The following UGT1A3 variants were observed in gnomAD, a reference collection of about 807,000 sequenced individuals.
UGT1A3 encodes the protein UDP glucuronosyltransferase family 1 member A3, also known as UDP-glucuronosyltransferase 1A3.
In UGT1A3, 31 loss-of-function variants were observed where a neutral mutation model predicts 41.0. The observed-to-expected ratio is 0.76, with a 90% CI of 0.57 to 1.02. The LOEUF (loss-of-function observed/expected upper bound fraction) is 1.02. Ranked by LOEUF, UGT1A3 falls within the 50% of genes least tolerant of loss-of-function variation. UGT1A3 has a pLI of 0.00. For missense variants in UGT1A3, 737 were observed against 671.0 expected (o/e 1.10, Z -1.09); for synonymous variants, 262 against 257.6 (o/e 1.02, Z -0.17).
At chr2:233,743,095 G>C (rs1692201542) in intron 1 of UGT1A3, 3 of 349,024 alleles carry the variant, frequency 8.6e-6, no homozygotes, top group African/African-American at 6.5e-5. Flanking sequence ...ATAAATTCTT[G>C]GGTACAGCTG....
At chr2:233,741,946 A>T (rs1293176575) in intron 1 of UGT1A3, 1 of 151,876 alleles carries the variant, frequency 6.6e-6, no homozygotes, top group Non-Finnish European at 1.5e-5. Flanking sequence ...TGCCAACAGA[A>T]AGGTACTTTC....
chr2:233,772,756 T>A lies in UGT1A3; in HGVS notation c.*197T>A. On this transcript the variant is annotated 3_prime_UTR_variant, in exon 5 of 5. Transcript: ENST00000482026. The stretch of plus-strand genomic sequence containing the variant: ...TAGTCAGTAAAGATATTTGAATATG[T>A]ATCGTGCCCCCTCTGGTGTCTTTGA... The A allele has an allele frequency of 1.4e-6, 2 of 1,401,856 alleles. No homozygotes were observed. Among genetic ancestry groups the A allele is most frequent in the Non-Finnish European group, 1.9e-6 (2 of 1,069,170 alleles). 86.8% of individuals were successfully genotyped at this position (1,401,856 alleles called of 1,614,324 possible). A position where few individuals can be genotyped will look rare whatever the true frequency, so the allele number is the denominator to read the frequency against.
At chr2:233,747,501 A>G in intron 1 of UGT1A3, 1 of 1,608,354 alleles carries the variant, frequency 6.2e-7, no homozygotes, top group East Asian at 2.2e-5. Context: ...GCTGGGCCAC[A>G]CTCAACTGTA....
chr2:233,755,338 G>C (rs569505432), intron 1 of UGT1A3: 1 of 431,822 alleles, frequency 2.3e-6, no homozygotes, highest in East Asian at 7.3e-5. Flanking sequence ...CCCGCGCACA[G>C]GTCAGAGGCT....
At chr2:233,745,465 G>C (rs1164210387) in intron 1 of UGT1A3, among the ~76,000 whole-genome samples, 3 of 151,586 alleles carry the variant, frequency 2.0e-5, no homozygotes, top group Non-Finnish European at 2.9e-5. Flanking sequence ...AGTTCTAAGG[G>C]GAAAATGATT....
rs370790922 is a variant in UGT1A3 at position 233,760,312 on chromosome 2, C to T, written c.868-6722C>T. ...CATGGCTGTGGAGTCCCAGGGCGGACGCCCACTTGTCCTGGGCCTGCTGCT... is the reference window on the plus strand; with the variant it reads ...CATGGCTGTGGAGTCCCAGGGCGGATGCCCACTTGTCCTGGGCCTGCTGCT... On this transcript the variant is annotated intron_variant, in intron 1 of 4. Coordinates refer to ENST00000482026, the MANE Select transcript of UGT1A3 (RefSeq NM_019093.4). 93 of 1,613,694 alleles carry T rather than the reference C, an allele frequency of 5.8e-5. No individual in the cohort carries two copies. Among genetic ancestry groups the T allele is most frequent in the South Asian group, 2.2e-5 (2 of 91,058 alleles).
At chr2:233,739,922 C>T (rs28900073) in intron 1 of UGT1A3, among the ~76,000 whole-genome samples, 1 of 151,712 alleles carries the variant, frequency 6.6e-6, no homozygotes, top group Non-Finnish European at 1.5e-5. Flanking sequence ...TTTCCATAAT[C>T]CCCATGTGTT....
At position 233,729,463 on chromosome 2, in the gene UGT1A3, A is replaced by G. The variant is rs369094416; in HGVS notation, c.337A>G (p.Ser113Gly). Residue 113 changes from serine to glycine, a missense_variant, in exon 1 of 5, where the codon AGT (serine) becomes GGT (glycine). By Grantham distance (56) the Ser-to-Gly change is moderately conservative. Transcript: ENST00000482026. ...TEHFLKKFFR[S>G]MAMLNNMSLV... ...ACATTTTCTGAAGAAATTTTTCAGA[A>G]GTATGGCAATGTTGAACAATATGTC... 3.0e-5 allele frequency: 48 copies of G among 1,614,060 alleles called. No individual in the cohort carries two copies. Among genetic ancestry groups the G allele is most frequent in the African/African-American group, 4.0e-5 (3 of 74,944 alleles).
At chr2:233,739,481 A>C (rs1429465625) in intron 1 of UGT1A3, among the ~76,000 whole-genome samples, 1 of 152,208 alleles carries the variant, frequency 6.6e-6, no homozygotes, top group Non-Finnish European at 1.5e-5. Flanking sequence ...GTGGGAGCCC[A>C]TTTCTGGCAT....
intron 1 of UGT1A3, among the ~76,000 whole-genome samples, chr2:233,757,259 G>T (rs1043917928): frequency 2.0e-5 from 3 of 146,774 alleles, no homozygotes; most frequent in African/African-American, 7.6e-5. Context: ...TTATTCAGGT[G>T]GCAGCCGATG....
chr2:233,748,129 T>C, intron 1 of UGT1A3: 1 of 1,610,122 alleles, frequency 6.2e-7, no homozygotes, highest in Non-Finnish European at 8.5e-7. Flanking sequence ...AAACAGTTTT[T>C]AAAAATTGTA....
chr2:233,736,376 CT>C (rs2078756074), intron 1 of UGT1A3, among the ~76,000 whole-genome samples: 1 of 152,200 alleles, frequency 6.6e-6, no homozygotes, highest in Non-Finnish European at 1.5e-5. Context: ...CATTTAAGGT[CT>C]TCTCTACAGT....
intron 1 of UGT1A3, among the ~76,000 whole-genome samples, chr2:233,735,251 C>T (rs915442177): frequency 3.3e-5 from 5 of 152,018 alleles, no homozygotes; most frequent in Admixed American, 6.6e-5. Context: ...TTGAATTGCT[C>T]CCTTTACCAT....
chr2:233,741,255 T>A (rs1029860579), intron 1 of UGT1A3, among the ~76,000 whole-genome samples: 2 of 151,880 alleles, frequency 1.3e-5, no homozygotes, highest in Non-Finnish European at 2.9e-5. Context: ...GGTATGCCAC[T>A]CTTTGCTGAC....
At chr2:233,765,305 A>G (rs777427074) in intron 1 of UGT1A3, among the ~76,000 whole-genome samples, 9 of 152,220 alleles carry the variant, frequency 5.9e-5, no homozygotes, top group Admixed American at 1.3e-4. Flanking sequence ...ACACATGCAC[A>G]TATTTGTTTA....
chr2:233,743,050 C>G (rs577515653), intron 1 of UGT1A3: 2 of 317,988 alleles, frequency 6.3e-6, no homozygotes, highest in African/African-American at 2.2e-5. Flanking sequence ...CCGTGTAGTC[C>G]CAACGATAAG....
intron 1 of UGT1A3, chr2:233,754,156 G>C (rs1695408372): frequency 6.5e-6 from 1 of 153,422 alleles, no homozygotes; most frequent in African/African-American, 2.4e-5. Flanking sequence ...AATTAAGCCA[G>C]AGTATTAATA....
intron 1 of UGT1A3, among the ~76,000 whole-genome samples, chr2:233,765,401 A>G (rs1024843153): frequency 3.9e-5 from 6 of 152,246 alleles, no homozygotes; most frequent in African/African-American, 1.4e-4. Flanking sequence ...TGTGGTACAT[A>G]TACACCATGG....
intron 1 of UGT1A3, chr2:233,747,713 T>A (rs1051640547): frequency 6.2e-7 from 1 of 1,613,024 alleles, no homozygotes; most frequent in African/African-American, 1.3e-5. Context: ...ACCTATCAAT[T>A]CCTGCTGTGT....
Sources: allele counts gnomAD v4.1 joint callset (sites outside exome capture counted in the v4.1 genomes callset), GRCh38; gene constraint gnomAD v4.1.1; transcripts MANE v1.5; gene names NCBI Gene and HGNC (gene_info 2026-07-23, HGNC 2026-07-21).